Variants in ARHGAP26 observed in about 807,000 individuals in gnomAD.
ARHGAP26 encodes Rho GTPase activating protein 26, also known as rho GTPase-activating protein 26.
Under a neutral mutation model 104.8 loss-of-function variants are expected in ARHGAP26, and 38 were observed. The ratio of observed to expected loss-of-function variants is 0.36; its 90% CI spans 0.28 to 0.48. ARHGAP26 has a LOEUF of 0.48. Ranked by LOEUF, ARHGAP26 falls within the 20% of genes least tolerant of loss-of-function variation. The pLI, the probability that ARHGAP26 is intolerant of heterozygous loss-of-function variation, is 0.99. For synonymous variants in ARHGAP26, 341 were observed against 340.0 expected (o/e 1.00, Z -0.03); for missense variants, 704 against 947.9 (o/e 0.74, Z 3.38).
intron 5 of ARHGAP26, among the ~76,000 whole-genome samples, chr5:142,888,466 G>A (rs1758030702): frequency 6.6e-6 from 1 of 152,218 alleles, no homozygotes; most frequent in Non-Finnish European, 1.5e-5. Flanking sequence ...TGCTCAAGGT[G>A]TTCAGCTATG....
At chr5:142,932,372 C>T (rs759017923) in intron 11 of ARHGAP26, among the ~76,000 whole-genome samples, 1 of 152,204 alleles carries the variant, frequency 6.6e-6, no homozygotes, top group Non-Finnish European at 1.5e-5. Flanking sequence ...CCAGAACTCC[C>T]ATCTTTTATC....
intron 11 of ARHGAP26, among the ~76,000 whole-genome samples, chr5:142,982,345 T>C (rs1053336405): frequency 7.9e-5 from 12 of 152,250 alleles, no homozygotes; most frequent in African/African-American, 2.9e-4. Context: ...TTTGTTCAGC[T>C]GTATGAATCC....
In ARHGAP26 at chr5:143,134,067, C is replaced by T; in HGVS notation, c.1799C>T (p.Pro600Leu). 1.2e-6 allele frequency: 2 copies of T among 1,611,954 alleles called. No individual in the cohort carries two copies. Among genetic ancestry groups the T allele is most frequent in the Non-Finnish European group, 1.7e-6 (2 of 1,179,014 alleles). Residue 600 changes from proline (P) to leucine (L), a missense_variant, in exon 19 of 23, where the codon CCC (proline) becomes CTC (leucine). Physicochemically the swap from Pro to Leu is moderately conservative, Grantham distance 98. This residue lies in a region of ARHGAP26 where 217 missense variants were observed against 242.6 expected (regional missense o/e 0.89). Transcript: ENST00000645722. Reference protein sequence around the residue: ...DSKPPSCSERPLTLFHTVQST... With the variant: ...DSKPPSCSERLLTLFHTVQST... ...AAGCCCCCGTCCTGCAGCGAGAGGC[C>T]CCTGACGCTCTTCCACACCGTTCAG...
Position 143,223,635 on chromosome 5 carries a change from T to C in ARHGAP26, c.*1189T>C, listed in dbSNP as rs1811438585. The C allele has an allele frequency of 1.3e-5, 3 of 231,588 alleles. No individual in the cohort carries two copies. The East Asian group carries it at 1.8e-4, about 14-fold the overall frequency. 14.3% of individuals were successfully genotyped at this position (231,588 alleles called of 1,614,324 possible). A position where few individuals can be genotyped will look rare whatever the true frequency, so the allele number is the denominator to read the frequency against. On this transcript the variant is annotated 3_prime_UTR_variant, in exon 23 of 23. Transcript: ENST00000645722. ...CTGGTGCTGTGGTGGTTTTCAAGGT[T>C]AATTCCTAGGCTAACCGTATGGCCT...
chr5:143,141,577 T>C (rs754565728), intron 19 of ARHGAP26, among the ~76,000 whole-genome samples: 24 of 152,234 alleles, frequency 1.6e-4, no homozygotes, highest in Non-Finnish European at 3.2e-4. Context: ...GCACCTTTCA[T>C]GTACTATCTC....
chr5:143,054,449 T>C lies in ARHGAP26; in HGVS notation c.1296T>C (p.Thr432=). 1 of 1,612,316 alleles carries C rather than the reference T, an allele frequency of 6.2e-7. No homozygotes were observed. Among genetic ancestry groups the C allele is most frequent in the Non-Finnish European group, 8.5e-7 (1 of 1,179,182 alleles). Residue 432 remains threonine (T), a synonymous_variant, in exon 15 of 23, where the codon ACT becomes ACC. Transcript: ENST00000645722. The part of the protein sequence containing the change: ...KLLSVLMDPK[T]ASETETDICA... ...TTTTCTTCATTTTAGACCCCAAGAC[T>C]GCTTCTGAGACAGAAACAGATATCT... is the stretch of plus-strand genomic sequence containing the variant.
intron 11 of ARHGAP26, among the ~76,000 whole-genome samples, chr5:142,967,433 T>C (rs1771561170): frequency 6.6e-6 from 1 of 152,186 alleles, no homozygotes. Context: ...GTTATTGTCA[T>C]CACTAACGGA....
At chr5:143,067,102 G>A (rs538452451) in intron 17 of ARHGAP26, among the ~76,000 whole-genome samples, 40 of 151,788 alleles carry the variant, frequency 2.6e-4, no homozygotes, top group African/African-American at 8.7e-4. Context: ...AGCTGTCTTT[G>A]CTAGAGTTTA....
intron 17 of ARHGAP26, among the ~76,000 whole-genome samples, chr5:143,083,784 C>G (rs1254512861): frequency 6.6e-6 from 1 of 152,220 alleles, no homozygotes; most frequent in Admixed American, 6.5e-5. Flanking sequence ...TAGGCATGAG[C>G]CACTGCACCC....
At chr5:143,088,513 G>A (rs186015544) in intron 17 of ARHGAP26, among the ~76,000 whole-genome samples, 1 of 152,006 alleles carries the variant, frequency 6.6e-6, no homozygotes, top group Non-Finnish European at 1.5e-5. Flanking sequence ...TCAAGGTAAG[G>A]ACCTCCTATA....
chr5:142,808,761 CCAATCAACCCCACCAAGAAAGAA>C (rs1442450980), intron 1 of ARHGAP26, among the ~76,000 whole-genome samples: 1 of 152,068 alleles, frequency 6.6e-6, no homozygotes, highest in Non-Finnish European at 1.5e-5. Flanking sequence ...CCAAGATGGA[CCAATCAACCCCACCAAGAAAGAA>C]ACCCCTTCTA....
intron 12 of ARHGAP26, among the ~76,000 whole-genome samples, chr5:143,036,772 T>C (rs1782699523): frequency 6.6e-6 from 1 of 152,176 alleles, no homozygotes; most frequent in East Asian, 1.9e-4. Context: ...AGTGAGAAAA[T>C]CTATTTTAAG....
chr5:142,912,845 C>G (rs116611449), intron 9 of ARHGAP26, among the ~76,000 whole-genome samples: 1 of 152,086 alleles, frequency 6.6e-6, no homozygotes, highest in African/African-American at 2.4e-5. Context: ...AAGTGATGAC[C>G]AACCCAAGAT....
At chr5:142,820,652 A>G (rs1403526208) in intron 1 of ARHGAP26, among the ~76,000 whole-genome samples, 1 of 152,216 alleles carries the variant, frequency 6.6e-6, no homozygotes. Context: ...ACCTTGCCCT[A>G]GACATGCAGA....
intron 19 of ARHGAP26, among the ~76,000 whole-genome samples, chr5:143,140,226 G>A (rs576531745): frequency 3.2e-4 from 49 of 152,330 alleles, no homozygotes; most frequent in African/African-American, 1.2e-3. Flanking sequence ...GGTGGGGACA[G>A]TCAGGGTGGC....
At position 143,198,545 on chromosome 5, in the gene ARHGAP26, G is replaced by C. The variant is rs79070308; in HGVS notation, c.1989-8653G>C. On this transcript the variant is annotated intron_variant, in intron 20 of 22. Coordinates refer to ENST00000645722, the MANE Select transcript of ARHGAP26 (RefSeq NM_001135608.3). The stretch of plus-strand genomic sequence containing the variant: ...TTTAACCTTTCTGACCCTTTCCCTT[G>C]AGGTTTTTCTGTACAATGAGCAATT... Among the ~76,000 whole-genome samples the C allele has an allele frequency of 9.0e-3, 1,367 of 152,270 alleles. 22 individuals carry two copies. The highest frequency in any genetic ancestry group is 0.029 in the African/African-American group (1,225 of 41,536).
At chr5:142,812,206 G>C (rs1291078902) in intron 1 of ARHGAP26, among the ~76,000 whole-genome samples, 1 of 151,992 alleles carries the variant, frequency 6.6e-6, no homozygotes, top group African/African-American at 2.4e-5. Context: ...TTTTAACCCA[G>C]TTCTTTACAG....
intron 20 of ARHGAP26, among the ~76,000 whole-genome samples, chr5:143,153,871 A>G (rs1800143680): frequency 6.6e-6 from 1 of 152,220 alleles, no homozygotes; most frequent in Non-Finnish European, 1.5e-5. Flanking sequence ...TGCCAGAGTC[A>G]ACCTTCTTCT....
chr5:143,118,216 G>A (rs1197115772), intron 17 of ARHGAP26, among the ~76,000 whole-genome samples: 1 of 152,250 alleles, frequency 6.6e-6, no homozygotes, highest in Non-Finnish European at 1.5e-5. Context: ...AGGTGTGGAA[G>A]TGGAATGAGA....
Sources: allele counts gnomAD v4.1 joint callset (sites outside exome capture counted in the v4.1 genomes callset), GRCh38; gene constraint gnomAD v4.1.1; regional missense constraint gnomAD v4.1.1; transcripts MANE v1.5; gene names NCBI Gene and HGNC (gene_info 2026-07-23, HGNC 2026-07-21).